Variants in RNPEPL1 observed in about 807,000 individuals in gnomAD.
RNPEPL1 encodes aminopeptidase RNPEPL1.
Under a neutral mutation model 69.0 loss-of-function variants are expected in RNPEPL1, and 46 were observed. The observed-to-expected ratio is 0.67, with a 90% CI of 0.53 to 0.85. RNPEPL1 has a LOEUF of 0.85. Among genes scored for constraint, RNPEPL1 ranks in the 40% least tolerant of loss-of-function variants. The probability of loss-of-function intolerance (pLI) is 0.00; values close to 1 mark genes in which losing one functional copy is unlikely to be tolerated. For synonymous variants in RNPEPL1, 525 were observed against 454.1 expected, an observed-to-expected ratio of 1.16 and a Z score of -1.98; for missense variants, 869 against 992.5, an observed-to-expected ratio of 0.88 and a Z score of 1.67.
Position 240,578,093 on chromosome 2 carries a change from A to C in RNPEPL1, c.*201A>C. The C allele has an allele frequency of 2.1e-6, 1 of 471,700 alleles. No individual in the cohort carries two copies. Among genetic ancestry groups the C allele is most frequent in the South Asian group, 5.9e-5 (1 of 16,822 alleles). The allele number at this position is 471,700 out of a possible 1,614,324, so 29.2% of individuals were successfully genotyped here. On this transcript the variant is annotated 3_prime_UTR_variant, in exon 11 of 11. Transcript: ENST00000270357. ...AGAGACCTGTGGACCTGGCCTCCCCACTCCCAGCTCTCTTGCACTGCAGGC... is the reference window on the plus strand; with the variant it reads ...AGAGACCTGTGGACCTGGCCTCCCCCCTCCCAGCTCTCTTGCACTGCAGGC...
chr2:240,581,362 A>AT lies in RNPEPL1; in HGVS notation c.*3471dup, dbSNP rs2093051551. On this transcript the variant is annotated 3_prime_UTR_variant, in exon 11 of 11. Coordinates refer to ENST00000270357, the MANE Select transcript of RNPEPL1 (RefSeq NM_018226.6). ...TAAAAAGCAATTACTAAAATAAAAA[A>AT]TGAAAACTCAGTCAACAGTGCTCTG... is the stretch of plus-strand genomic sequence containing the variant. 1 of 152,362 alleles carries AT rather than the reference A, an allele frequency of 6.6e-6. No homozygotes were observed. Among genetic ancestry groups the AT allele is most frequent in the East Asian group, 1.9e-4 (1 of 5,188 alleles). 9.4% of individuals were successfully genotyped at this position (152,362 alleles called of 1,614,324 possible).
At position 240,574,273 on chromosome 2, in the gene RNPEPL1, G is replaced by A. The variant is rs773622869; in HGVS notation, c.1099G>A (p.Ala367Thr). 27 of 1,611,544 alleles carry A rather than the reference G, an allele frequency of 1.7e-5. No individual in the cohort carries two copies. The highest frequency in any genetic ancestry group is 8.3e-5 in the Admixed American group (5 of 59,994). The change falls in exon 5 of 11, where the codon GCC becomes ACC. Residue 367 changes from alanine to threonine, a missense_variant. Transcript: ENST00000270357. ...TTGGTTCGGCAACGCTGTCACCAAC[G>A]CCACGTGGGAAGAGATGTGGCTGAG... ...HSWFGNAVTN[A>T]TWEEMWLSEG...
rs771870592 is a variant in RNPEPL1 at position 240,573,173 on chromosome 2, G to A, written c.733G>A (p.Val245Ile). The A allele has an allele frequency of 1.6e-5, 26 of 1,607,082 alleles. No homozygotes were observed. The highest frequency in any genetic ancestry group is 8.4e-5 in the Admixed American group (5 of 59,274). Residue 245 changes from valine (V) to isoleucine (I), a missense_variant, in exon 3 of 11, where the codon GTC (valine) becomes ATC (isoleucine). Physicochemically the swap from Val to Ile is conservative, Grantham distance 29. Around this residue, in one of 2 missense-constraint regions of RNPEPL1, gnomAD observed 610 missense variants for 790.9 expected, o/e 0.77. Transcript: ENST00000270357. ...TRSAYMEEEG[V>I]FHFHMEHPVP... ...GAGTGCATACATGGAGGAAGAAGGC[G>A]TCTTCCACTTCCACATGGAGCACCC...
At chr2:240,573,721 G>C in intron 3 of RNPEPL1, 54 bp from the exon 4 acceptor site, 1 of 1,415,036 alleles carries the variant, frequency 7.1e-7, no homozygotes, top group Non-Finnish European at 9.5e-7. Context: ...AGCCTGGTGG[G>C]GTGAGCGGGG....
chr2:240,574,648 C>T lies in RNPEPL1; in HGVS notation c.1288+20C>T, dbSNP rs369144007. On this transcript the variant is annotated intron_variant, in intron 6 of 10. Transcript: ENST00000270357. ...AGCCAGGTACCTGCTCCTCAGGACC[C>T]GCTCCCACAACTGGGGATGTCACCC... 6.9e-5 allele frequency: 109 copies of T among 1,588,738 alleles called. 1 individual carries two copies. The African/African-American group carries it at 8.3e-4, about 12-fold the overall frequency.
chr2:240,574,997 G>A (rs762411661), intron 6 of RNPEPL1, 33 bp from the exon 7 acceptor site: 36 of 1,556,510 alleles, frequency 2.3e-5, no homozygotes, highest in Non-Finnish European at 2.7e-5. Context: ...TGGTGGTTTC[G>A]GACGCCAGCC....
In RNPEPL1 at chr2:240,573,243, C is replaced by T. The variant is rs756417367; in HGVS notation, c.803C>T (p.Pro268Leu). The T allele has an allele frequency of 7.7e-6, 12 of 1,565,904 alleles. No homozygotes were observed. The highest frequency in any genetic ancestry group is 2.4e-5 in the East Asian group (1 of 42,404). Reference protein sequence around the residue: ...LVALVAGDLKPADIGPRSRVW... With the variant: ...LVALVAGDLKLADIGPRSRVW... The stretch of plus-strand genomic sequence containing the variant: ...GCCCTGGTGGCCGGAGACCTCAAGC[C>T]GGCAGACATCGGGCCCAGGTAGGGC... Residue 268 changes from proline to leucine, a missense_variant, in exon 3 of 11, where the codon CCG becomes CTG. Pro to Leu is a moderately conservative substitution (Grantham distance 98, BLOSUM62 -3). Around this residue, in one of 2 missense-constraint regions of RNPEPL1, gnomAD observed 610 missense variants for 790.9 expected, o/e 0.77. Coordinates refer to ENST00000270357, the MANE Select transcript of RNPEPL1 (RefSeq NM_018226.6).
In RNPEPL1 at chr2:240,580,689, T is replaced by C. The variant is rs1007108355; in HGVS notation, c.*2797T>C. Reference sequence around the variant, plus strand: ...CCACAGGGGCTGCAACCCCACCATATGCACAAAAGCGGGGGCAGATGGCAA... The same window carrying C: ...CCACAGGGGCTGCAACCCCACCATACGCACAAAAGCGGGGGCAGATGGCAA... On this transcript the variant is annotated 3_prime_UTR_variant, in exon 11 of 11. Transcript: ENST00000270357. 2 of 152,120 alleles carry C rather than the reference T, an allele frequency of 1.3e-5. No homozygotes were observed. The highest frequency in any genetic ancestry group is 2.4e-5 in the African/African-American group (1 of 41,408). The allele number at this position is 152,120 out of a possible 1,614,324, so 9.4% of individuals were successfully genotyped here.
chr2:240,575,393 T>G, intron 7 of RNPEPL1, 109 bp from the exon 8 acceptor site: 1 of 959,930 alleles, frequency 1.0e-6, no homozygotes, highest in African/African-American at 1.6e-5. Context: ...GCTGCCCCTG[T>G]GCCCAGCACG....
chr2:240,573,342 G>A (rs557076843), intron 3 of RNPEPL1, 81 bp downstream of exon 3: 95 of 1,437,966 alleles, frequency 6.6e-5, no homozygotes, highest in Admixed American at 2.9e-4. Flanking sequence ...CTGTGTCCAC[G>A]GCTGCCCTGC....
chr2:240,576,347 A>G (rs1266525105), intron 8 of RNPEPL1, 188 bp from the exon 9 acceptor site: 1 of 609,536 alleles, frequency 1.6e-6, no homozygotes, highest in African/African-American at 1.9e-5. Flanking sequence ...ACCCCTTCAC[A>G]GAAGCCCCTT....
chr2:240,570,839 C>T (rs931011236), intron 1 of RNPEPL1, among the ~76,000 whole-genome samples: 1 of 152,308 alleles, frequency 6.6e-6, no homozygotes, highest in Admixed American at 6.5e-5. Flanking sequence ...GTCTGGGGGT[C>T]TGCCCCAGCC....
At chr2:240,572,591 T>G in intron 2 of RNPEPL1, 28 bp downstream of exon 2, 2 of 1,535,566 alleles carry the variant, frequency 1.3e-6, no homozygotes. Flanking sequence ...GCCGTCACCT[T>G]GCTCCCAGGA....
chr2:240,576,255 C>T, intron 8 of RNPEPL1: 1 of 531,198 alleles, frequency 1.9e-6, no homozygotes. Context: ...TGGGTTTAGA[C>T]TACTTCATTG....
intron 3 of RNPEPL1, 36 bp downstream of exon 3, chr2:240,573,297 A>G: frequency 6.5e-7 from 1 of 1,536,174 alleles, no homozygotes; most frequent in Non-Finnish European, 8.8e-7. Context: ...GGGGCTGCGC[A>G]GGCCTCGGGG....
intron 7 of RNPEPL1, 85 bp from the exon 8 acceptor site, chr2:240,575,417 G>T: frequency 8.6e-7 from 1 of 1,169,150 alleles, no homozygotes; most frequent in Non-Finnish European, 1.3e-6. Context: ...CTTGGCGCAC[G>T]CCCTGCAGTG....
rs763298671 is a variant in RNPEPL1, at chr2:240,575,534, G to C, written c.1434G>C (p.Val478=). Residue 478 remains valine (V), a synonymous_variant, in exon 8 of 11, where the codon GTG becomes GTC. Coordinates refer to ENST00000270357, the MANE Select transcript of RNPEPL1 (RefSeq NM_018226.6). The part of the protein sequence containing the change: ...AYVEKYKFTS[V]VAQDLLDSFL... ...TGGAGAAGTACAAGTTCACCAGCGT[G>C]GTGGCCCAGGACCTGCTGGACTCCT... 2.5e-6 allele frequency: 4 copies of C among 1,613,584 alleles called. No individual in the cohort carries two copies. Among genetic ancestry groups the C allele is most frequent in the South Asian group, 1.1e-5 (1 of 91,088 alleles).
At chr2:240,569,796 C>T (rs1457468455) in intron 1 of RNPEPL1, among the ~76,000 whole-genome samples, 1 of 152,200 alleles carries the variant, frequency 6.6e-6, no homozygotes, top group Non-Finnish European at 1.5e-5. Context: ...GTATGGACGG[C>T]ACACATGTGA....
At chr2:240,569,596 C>A (rs184791114) in intron 1 of RNPEPL1, among the ~76,000 whole-genome samples, 3 of 152,294 alleles carry the variant, frequency 2.0e-5, no homozygotes, top group Admixed American at 2.0e-4. Flanking sequence ...CCAACATAGA[C>A]ACACATAGGC....
Sources: allele counts gnomAD v4.1 joint callset (sites outside exome capture counted in the v4.1 genomes callset), GRCh38; gene constraint gnomAD v4.1.1; regional missense constraint gnomAD v4.1.1; transcripts MANE v1.5; gene names NCBI Gene and HGNC (gene_info 2026-07-23, HGNC 2026-07-21).